The following LRFN2 variants were observed in gnomAD, a reference collection of about 807,000 sequenced individuals.
LRFN2 encodes the protein leucine-rich repeat and fibronectin type-III domain-containing protein 2.
In LRFN2, 18 loss-of-function variants were observed where a neutral mutation model predicts 37.3. That is an observed-to-expected ratio of 0.48 (90% confidence interval 0.33 to 0.72). LRFN2 has a LOEUF of 0.72. Ranked by LOEUF, LRFN2 falls within the 30% of genes least tolerant of loss-of-function variation. The probability of loss-of-function intolerance (pLI) is 0.02; values close to 1 mark genes in which losing one functional copy is unlikely to be tolerated. For missense variants in LRFN2, 1,006 were observed against 1,060.7 expected (o/e 0.95, Z 0.72); for synonymous variants, 556 against 466.6 (o/e 1.19, Z -2.47).
At chr6:40,463,670 A>ATTTTTTTTTTTTTTTT (rs66745321) in intron 1 of LRFN2, among the ~76,000 whole-genome samples, 1 of 76,526 alleles carries the variant, frequency 1.3e-5, no homozygotes, top group Admixed American at 2.0e-4. Flanking sequence ...CTTTCTTTCT[A>ATTTTTTTTTTTTTTTT]TTTTTTTTTT....
intron 2 of LRFN2, among the ~76,000 whole-genome samples, chr6:40,416,794 C>T (rs1274475515): frequency 2.0e-5 from 3 of 152,146 alleles, no homozygotes; most frequent in African/African-American, 7.2e-5. Flanking sequence ...TTCGCCAGTC[C>T]CAGGAAAAAA....
chr6:40,586,420 C>T (rs548125610), intron 1 of LRFN2, among the ~76,000 whole-genome samples: 2 of 152,228 alleles, frequency 1.3e-5, no homozygotes, highest in African/African-American at 2.4e-5. Context: ...CTACCTGCCC[C>T]CACAAACTGC....
chr6:40,562,368 T>TA (rs1305760571), intron 1 of LRFN2, among the ~76,000 whole-genome samples: 1 of 151,620 alleles, frequency 6.6e-6, no homozygotes, highest in Non-Finnish European at 1.5e-5. Context: ...CTAAGGGCCC[T>TA]AGAAGGCTTC....
At position 40,413,037 on chromosome 6, in the gene LRFN2, G is replaced by A. The variant is rs575252787; in HGVS notation, c.1400+18677C>T. Among the ~76,000 whole-genome samples the A allele has an allele frequency of 1.8e-4, 28 of 152,236 alleles. No individual in the cohort carries two copies. The East Asian group carries it at 5.4e-3, about 29-fold the overall frequency. ...GCACTGCCGTGTTCCAGAGAGCACCGTTTGGGGTCTCTGGAGGCTTATCTC... is the reference window on the plus strand; with the variant it reads ...GCACTGCCGTGTTCCAGAGAGCACCATTTGGGGTCTCTGGAGGCTTATCTC... On this transcript the variant is annotated intron_variant, in intron 2 of 2. Coordinates refer to ENST00000338305, the MANE Select transcript of LRFN2 (RefSeq NM_020737.3).
At chr6:40,573,443 G>T (rs531135294) in intron 1 of LRFN2, among the ~76,000 whole-genome samples, 1 of 152,324 alleles carries the variant, frequency 6.6e-6, no homozygotes, top group East Asian at 1.9e-4. Flanking sequence ...GCTGTAATTT[G>T]CCTAAGTGAC....
At chr6:40,507,079 C>G (rs755709591) in intron 1 of LRFN2, among the ~76,000 whole-genome samples, 3 of 152,116 alleles carry the variant, frequency 2.0e-5, no homozygotes, top group Non-Finnish European at 4.4e-5. Context: ...TGATTGTTTC[C>G]GCTCCCCGCG....
At chr6:40,490,970 C>T (rs977160143) in intron 1 of LRFN2, among the ~76,000 whole-genome samples, 11 of 152,122 alleles carry the variant, frequency 7.2e-5, no homozygotes, top group African/African-American at 2.7e-4. Context: ...GGGGTATGTG[C>T]ATGGTGTGCA....
At chr6:40,421,281 G>A (rs559371976) in intron 2 of LRFN2, among the ~76,000 whole-genome samples, 5 of 152,324 alleles carry the variant, frequency 3.3e-5, no homozygotes, top group Admixed American at 2.6e-4. Flanking sequence ...CATTTAGAAA[G>A]TTTATTTTGC....
chr6:40,569,539 C>A (rs997217639), intron 1 of LRFN2, among the ~76,000 whole-genome samples: 6 of 152,120 alleles, frequency 3.9e-5, no homozygotes, highest in Non-Finnish European at 5.9e-5. Context: ...ACCCGTTTGG[C>A]ATAGTGGTTG....
chr6:40,581,856 A>G (rs1767410878), intron 1 of LRFN2, among the ~76,000 whole-genome samples: 1 of 152,142 alleles, frequency 6.6e-6, no homozygotes, highest in East Asian at 1.9e-4. Flanking sequence ...TGGGGACCAG[A>G]GAGAGTCATG....
At chr6:40,426,245 TTA>T (rs1238236910) in intron 2 of LRFN2, among the ~76,000 whole-genome samples, 2 of 152,234 alleles carry the variant, frequency 1.3e-5, no homozygotes, top group African/African-American at 4.8e-5. Flanking sequence ...CTGGGATAAT[TTA>T]AGTTAAATGT....
intron 1 of LRFN2, among the ~76,000 whole-genome samples, chr6:40,435,516 A>C (rs985553600): frequency 6.7e-6 from 1 of 150,332 alleles, no homozygotes; most frequent in African/African-American, 2.5e-5. Context: ...CAGATGCAGA[A>C]AAAACTAGCT....
At chr6:40,585,336 C>T (rs374056910) in intron 1 of LRFN2, among the ~76,000 whole-genome samples, 1 of 152,150 alleles carries the variant, frequency 6.6e-6, no homozygotes, top group Non-Finnish European at 1.5e-5. Flanking sequence ...TCTGCACTCC[C>T]AGCCAGAGTC....
intron 1 of LRFN2, among the ~76,000 whole-genome samples, chr6:40,567,905 AC>A (rs1430410557): frequency 6.6e-6 from 1 of 152,104 alleles, no homozygotes; most frequent in Non-Finnish European, 1.5e-5. Context: ...CTGCTGGAAA[AC>A]CCACAACTGC....
intron 1 of LRFN2, among the ~76,000 whole-genome samples, chr6:40,472,128 T>C (rs1764612911): frequency 6.6e-6 from 1 of 152,204 alleles, no homozygotes; most frequent in African/African-American, 2.4e-5. Flanking sequence ...ATAGGAAACT[T>C]GAATTCTTCC....
At chr6:40,461,429 A>AC (rs2113850117) in intron 1 of LRFN2, among the ~76,000 whole-genome samples, 1 of 150,448 alleles carries the variant, frequency 6.6e-6, no homozygotes, top group African/African-American at 2.5e-5. Context: ...AATAAAAACT[A>AC]AAAAAAAGAA....
At position 40,470,349 on chromosome 6, in the gene LRFN2, C is replaced by T. The variant is rs550340976; in HGVS notation, c.-18-37218G>A. Among the ~76,000 whole-genome samples, 4 of 152,328 alleles carry T rather than the reference C, an allele frequency of 2.6e-5. No individual in the cohort carries two copies. In the East Asian group the frequency reaches 5.8e-4, roughly 22 times the overall value. ...CTGTGTGGCTGGGCGCAGTGGCTCA[C>T]GCCTGTAATCCCAGCACTTTGGGAG... On this transcript the variant is annotated intron_variant, in intron 1 of 2. Transcript: ENST00000338305.
At chr6:40,436,786 G>A (rs542387375) in intron 1 of LRFN2, among the ~76,000 whole-genome samples, 2 of 152,278 alleles carry the variant, frequency 1.3e-5, no homozygotes, top group Non-Finnish European at 2.9e-5. Flanking sequence ...AACAAAATGA[G>A]GATCTTCTCC....
chr6:40,446,105 G>T (rs550514634), intron 1 of LRFN2, among the ~76,000 whole-genome samples: 1 of 152,278 alleles, frequency 6.6e-6, no homozygotes, highest in Non-Finnish European at 1.5e-5. Flanking sequence ...AGCACCTCCT[G>T]GGGACCTCAC....
Sources: gnomAD v4.1 joint callset for allele counts (sites outside exome capture counted in the v4.1 genomes callset) on GRCh38, gnomAD v4.1.1 for gene constraint, MANE v1.5 for transcripts, NCBI Gene and HGNC (gene_info 2026-07-23, HGNC 2026-07-21) for gene names.